The following CFAP54 variants were observed in gnomAD, a reference collection of about 807,000 sequenced individuals.
CFAP54 encodes the protein cilia and flagella associated protein 54, also known as cilia- and flagella-associated protein 54.
CFAP54 carries 290 observed loss-of-function variants against 370.4 expected under a neutral mutation model. The ratio of observed to expected loss-of-function variants is 0.78; its 90% CI spans 0.71 to 0.86. The LOEUF is 0.86. Among genes scored for constraint, CFAP54 ranks in the 40% least tolerant of loss-of-function variants. The probability of loss-of-function intolerance (pLI) is 0.00; values close to 1 mark genes in which losing one functional copy is unlikely to be tolerated. For missense variants in CFAP54, 3,399 were observed against 3,528.7 expected, an observed-to-expected ratio of 0.96 and a Z score of 0.93; for synonymous variants, 1,206 against 1,236.5, an observed-to-expected ratio of 0.98 and a Z score of 0.52.
intron 14 of CFAP54, among the ~76,000 whole-genome samples, chr12:96,543,853 T>C (rs1955606521): frequency 6.6e-6 from 1 of 152,136 alleles, no homozygotes; most frequent in African/African-American, 2.4e-5. Context: ...TGGATCCCAA[T>C]CCCTGTTGCT....
In CFAP54 at chr12:96,564,818, T is replaced by C. The variant is rs575983769; in HGVS notation, c.2619+53T>C. The C allele has an allele frequency of 1.3e-4, 70 of 541,636 alleles. No homozygotes were observed. In the African/African-American group the frequency reaches 1.3e-3, roughly 10 times the overall value. 33.6% of individuals were successfully genotyped at this position (541,636 alleles called of 1,614,324 possible). A position where few individuals can be genotyped will look rare whatever the true frequency, so the allele number is the denominator to read the frequency against. Reference sequence around the variant, plus strand: ...TCCTGACATAAAATTTCTGTTAAAATGAATGATTCATTTCCTTTATTAAAA... The same window carrying C: ...TCCTGACATAAAATTTCTGTTAAAACGAATGATTCATTTCCTTTATTAAAA... On this transcript the variant is annotated intron_variant, in intron 19 of 67. Transcript: ENST00000524981.
At chr12:96,657,651 A>C (rs1235034230) in intron 36 of CFAP54, among the ~76,000 whole-genome samples, 1 of 152,240 alleles carries the variant, frequency 6.6e-6, no homozygotes, top group African/African-American at 2.4e-5. Context: ...TCTAGTGGCT[A>C]TAGGGAACGA....
intron 50 of CFAP54, among the ~76,000 whole-genome samples, chr12:96,723,503 G>A (rs1040371402): frequency 6.6e-6 from 1 of 152,144 alleles, no homozygotes; most frequent in African/African-American, 2.4e-5. Context: ...GATAGATTGA[G>A]TAAGGTAAGG....
At chr12:96,613,388 A>G (rs1017182746) in intron 26 of CFAP54, among the ~76,000 whole-genome samples, 2 of 152,258 alleles carry the variant, frequency 1.3e-5, no homozygotes, top group Non-Finnish European at 2.9e-5. Context: ...AGGGAAATTT[A>G]TAGCACTAAA....
chr12:96,494,595 A>C (rs536132295), intron 1 of CFAP54, among the ~76,000 whole-genome samples: 1 of 151,920 alleles, frequency 6.6e-6, no homozygotes, highest in Non-Finnish European at 1.5e-5. Context: ...GCCACCATGC[A>C]CGGCCTAATT....
chr12:96,719,099 C>T (rs892977302), intron 49 of CFAP54, among the ~76,000 whole-genome samples: 2 of 151,376 alleles, frequency 1.3e-5, no homozygotes, highest in Non-Finnish European at 2.9e-5. Flanking sequence ...TATTCCATCC[C>T]GTTTATCATT....
intron 66 of CFAP54, among the ~76,000 whole-genome samples, chr12:96,829,831 A>T (rs1274680689): frequency 6.6e-6 from 1 of 152,056 alleles, no homozygotes; most frequent in African/African-American, 2.4e-5. Context: ...ACTTTTCATC[A>T]TTCCAAATAG....
At chr12:96,756,424 G>A in intron 56 of CFAP54, 34 bp from the exon 57 acceptor site, 1 of 1,329,092 alleles carries the variant, frequency 7.5e-7, no homozygotes, top group Non-Finnish European at 1.1e-6. Flanking sequence ...CTAGAAAAAG[G>A]AAAAACCATC....
intron 1 of CFAP54, among the ~76,000 whole-genome samples, chr12:96,490,917 C>T (rs1441113972): frequency 1.3e-5 from 2 of 151,530 alleles, no homozygotes; most frequent in Non-Finnish European, 2.9e-5. Flanking sequence ...GAGATGACTG[C>T]TAGGGAGAAA....
chr12:96,717,645 A>T (rs1957699761), intron 48 of CFAP54, among the ~76,000 whole-genome samples: 1 of 152,190 alleles, frequency 6.6e-6, no homozygotes, highest in South Asian at 2.1e-4. Context: ...TGGATCGTGG[A>T]TGGAGATTTT....
chr12:96,597,651 GACTT>G (rs1247514526), intron 25 of CFAP54, among the ~76,000 whole-genome samples: 3 of 151,584 alleles, frequency 2.0e-5, no homozygotes, highest in African/African-American at 7.3e-5. Flanking sequence ...TATACCTGTA[GACTT>G]ACAGCATTTC....
At chr12:96,696,558 C>G (rs891652799) in intron 45 of CFAP54, among the ~76,000 whole-genome samples, 2 of 151,960 alleles carry the variant, frequency 1.3e-5, no homozygotes, top group Non-Finnish European at 2.9e-5. Flanking sequence ...CAGAGAAGAA[C>G]TGTGGACTCA....
rs1321677450 is a variant in CFAP54, at chr12:96,679,726, T to C, written c.5690T>C (p.Leu1897Pro). The change falls in exon 40 of 68, where the codon CTT (leucine) becomes CCT (proline). Residue 1897 changes from leucine (L) to proline (P), a missense_variant. Transcript: ENST00000524981. ...NRSIRHSRKL[L>P]SLFLAQTQDV... ...TCAATCCGACACAGCAGAAAGTTGC[T>C]TTCATTATTTCTTGCACAGACACAA... 6.2e-7 allele frequency: 1 copy of C among 1,613,068 alleles called. No individual in the cohort carries two copies. The highest frequency in any genetic ancestry group is 8.5e-7 in the Non-Finnish European group (1 of 1,179,584).
chr12:96,622,726 T>A (rs1048988403), intron 27 of CFAP54, among the ~76,000 whole-genome samples: 21 of 152,206 alleles, frequency 1.4e-4, no homozygotes, highest in African/African-American at 5.1e-4. Flanking sequence ...GAGACTCTCA[T>A]CCCTGACTCT....
chr12:96,539,209 C>T (rs1955544253), intron 13 of CFAP54, among the ~76,000 whole-genome samples: 1 of 151,370 alleles, frequency 6.6e-6, no homozygotes, highest in African/African-American at 2.4e-5. Flanking sequence ...TACGGGCATC[C>T]ACCACCACGG....
intron 19 of CFAP54, 23 bp downstream of exon 19, chr12:96,564,788 T>C: frequency 1.8e-6 from 1 of 567,594 alleles, no homozygotes; most frequent in Non-Finnish European, 3.1e-6. Context: ...CATTTCTTCT[T>C]TTAATCCTGA....
At chr12:96,848,227 C>G (rs1206902246) in intron 66 of CFAP54, among the ~76,000 whole-genome samples, 1 of 152,020 alleles carries the variant, frequency 6.6e-6, no homozygotes, top group Non-Finnish European at 1.5e-5. Flanking sequence ...CAGGCATGCA[C>G]CACCACACCT....
rs1449055197 is a variant in CFAP54 at position 96,504,024 on chromosome 12, C to T, written c.562C>T (p.Leu188Phe). The T allele has an allele frequency of 6.6e-7, 1 of 1,507,386 alleles. No individual in the cohort carries two copies. The highest frequency in any genetic ancestry group is 2.3e-5 in the Admixed American group (1 of 42,790). 93.4% of individuals were successfully genotyped at this position (1,507,386 alleles called of 1,614,324 possible). A position where few individuals can be genotyped will look rare whatever the true frequency, so the allele number is the denominator to read the frequency against. Residue 188 changes from leucine (L) to phenylalanine (F), a missense_variant, in exon 3 of 68, where the codon CTT becomes TTT. Physicochemically the swap from Leu to Phe is conservative, Grantham distance 22. This residue lies in a region of CFAP54 where 559 missense variants were observed against 576.7 expected (regional missense o/e 0.97). Transcript: ENST00000524981. ...PKGFKDKTAGLTFHALSGKNM... is the reference protein window; with the variant it reads ...PKGFKDKTAGFTFHALSGKNM... Reference sequence around the variant, plus strand: ...AGGCTTTAAAGATAAAACTGCTGGACTTACAGTAAGATGAAAGAGCAGCTG... The same window carrying T: ...AGGCTTTAAAGATAAAACTGCTGGATTTACAGTAAGATGAAAGAGCAGCTG...
chr12:96,516,807 A>G (rs1565881483), intron 5 of CFAP54, among the ~76,000 whole-genome samples: 1 of 152,152 alleles, frequency 6.6e-6, no homozygotes, highest in Non-Finnish European at 1.5e-5. Context: ...TTCACGTACC[A>G]TTACACAAAC....
Sources: allele counts gnomAD v4.1 joint callset (sites outside exome capture counted in the v4.1 genomes callset), GRCh38; gene constraint gnomAD v4.1.1; regional missense constraint gnomAD v4.1.1; transcripts MANE v1.5; gene names NCBI Gene and HGNC (gene_info 2026-07-23, HGNC 2026-07-21).